The following PCDHGB7 variants were observed in gnomAD, a reference collection of about 807,000 sequenced individuals.
The protein encoded by PCDHGB7 is protocadherin gamma-B7.
A neutral mutation model predicts 61.4 loss-of-function variants in PCDHGB7; 37 were observed. That is an observed-to-expected ratio of 0.60 (90% confidence interval 0.46 to 0.79). The LOEUF (loss-of-function observed/expected upper bound fraction) is 0.79, where lower values mean the gene tolerates loss of function less well. PCDHGB7 is among the 30% of genes least tolerant of loss of function. The probability of loss-of-function intolerance (pLI) is 0.00; values close to 1 mark genes in which losing one functional copy is unlikely to be tolerated. For missense variants in PCDHGB7, 1,166 were observed against 1,202.5 expected, an observed-to-expected ratio of 0.97 and a Z score of 0.45; for synonymous variants, 464 against 503.5, an observed-to-expected ratio of 0.92 and a Z score of 1.05.
chr5:141,489,425 G>A lies in PCDHGB7; in HGVS notation c.2416-5382G>A, dbSNP rs779739693. 18 of 1,614,000 alleles carry A rather than the reference G, an allele frequency of 1.1e-5. No homozygotes were observed. Among genetic ancestry groups the A allele is most frequent in the South Asian group, 5.5e-5 (5 of 91,074 alleles). The stretch of plus-strand genomic sequence containing the variant: ...TTAAAGATGACAGATCTGTTGAGCC[G>A]GCGGCTGCAATTGGGCTCTGAGGAG... On this transcript the variant is annotated intron_variant, in intron 1 of 3. Transcript: ENST00000398594. This position sits in a 1 kb window ranked among gnomAD's most constrained non-coding sequence, Gnocchi z 4.5.
Position 141,431,826 on chromosome 5 carries a change from TTCCCGAAAACTC to T in PCDHGB7, c.2415+11557_2415+11568del, listed in dbSNP as rs755346532. ...GTCCTCACCTCTCTCGCCAGCTCGGTTCCCGAAAACTCTCCCAGAGGGACATTAATTGCCCTT... is the reference window on the plus strand; with the variant it reads ...GTCCTCACCTCTCTCGCCAGCTCGGTTCCCAGAGGGACATTAATTGCCCTT... On this transcript the variant is annotated intron_variant, in intron 1 of 3. Transcript: ENST00000398594. The surrounding 1 kb of genome is among the most constrained non-coding windows in gnomAD (Gnocchi z 4.8). The T allele has an allele frequency of 4.3e-6, 7 of 1,614,102 alleles. No individual in the cohort carries two copies. Among genetic ancestry groups the T allele is most frequent in the Admixed American group, 1.7e-5 (1 of 60,006 alleles).
Position 141,483,648 on chromosome 5 carries a change from T to TTGTG in PCDHGB7, c.2416-11141_2416-11138dup, listed in dbSNP as rs111458813. ...GGAGAAGGTATAGAGGGGTGTGTGTTTGTGTGTGTGTGTGTGTGTGTAAAA... is the reference window on the plus strand; with the variant it reads ...GGAGAAGGTATAGAGGGGTGTGTGTTTGTGTGTGTGTGTGTGTGTGTGTGTAAAA... On this transcript the variant is annotated intron_variant, in intron 1 of 3. Coordinates refer to ENST00000398594, the MANE Select transcript of PCDHGB7 (RefSeq NM_018927.4). Among the ~76,000 whole-genome samples, 501 of 149,686 alleles carry TTGTG rather than the reference T, an allele frequency of 3.3e-3. 2 individuals are homozygous for TTGTG. Among genetic ancestry groups the TTGTG allele is most frequent in the African/African-American group, 7.3e-3 (297 of 40,842 alleles).
intron 1 of PCDHGB7, among the ~76,000 whole-genome samples, chr5:141,465,104 T>A (rs1044128193): frequency 1.3e-5 from 2 of 151,862 alleles, no homozygotes; most frequent in East Asian, 3.9e-4. Context: ...GTTTTTTTTT[T>A]AAGTGTTTTA....
At chr5:141,435,430 T>C (rs576681937) in intron 1 of PCDHGB7, among the ~76,000 whole-genome samples, 115 of 152,334 alleles carry the variant, frequency 7.5e-4, no homozygotes, top group African/African-American at 2.6e-3. Flanking sequence ...ACTTCTGTTA[T>C]GCATTTCATT....
intron 1 of PCDHGB7, chr5:141,423,809 GT>G (rs1484832928): frequency 7.9e-7 from 1 of 1,259,912 alleles, no homozygotes; most frequent in African/African-American, 1.6e-5. Context: ...ATACATGTGA[GT>G]TTTACTTTGC....
At position 141,476,090 on chromosome 5, in the gene PCDHGB7, C is replaced by T; in HGVS notation, c.2416-18717C>T. On this transcript the variant is annotated intron_variant, in intron 1 of 3. Coordinates refer to ENST00000398594, the MANE Select transcript of PCDHGB7 (RefSeq NM_018927.4). The surrounding 1 kb of genome is among the most constrained non-coding windows in gnomAD (Gnocchi z 7.6). ...GAAATCTCAGGGACGATCTGGACCC[C>T]GCTGAGAGGAACTGCTTTTGAGTGA... 3 of 1,562,222 alleles carry T rather than the reference C, an allele frequency of 1.9e-6. No individual in the cohort carries two copies. Among genetic ancestry groups the T allele is most frequent in the African/African-American group, 1.4e-5 (1 of 73,764 alleles).
At chr5:141,442,837 A>G (rs2098346617) in intron 1 of PCDHGB7, among the ~76,000 whole-genome samples, 1 of 152,202 alleles carries the variant, frequency 6.6e-6, no homozygotes, top group Admixed American at 6.5e-5. Flanking sequence ...GGGAGGGACA[A>G]ATCTTGGCCA....
At position 141,493,906 on chromosome 5, in the gene PCDHGB7, G is replaced by A. The variant is rs2099750764; in HGVS notation, c.2416-901G>A. ...CTCTAGGAGTGCTCCATGAGAGTGT[G>A]TGATGGGATAACACACCCCCTGGAA... is the stretch of plus-strand genomic sequence containing the variant. On this transcript the variant is annotated intron_variant, in intron 1 of 3. Transcript: ENST00000398594. The surrounding 1 kb of genome is among the most constrained non-coding windows in gnomAD (Gnocchi z 4.3). Among the ~76,000 whole-genome samples the A allele has an allele frequency of 6.6e-6, 1 of 152,200 alleles. No individual in the cohort carries two copies. Among genetic ancestry groups the A allele is most frequent in the Non-Finnish European group, 1.5e-5 (1 of 68,032 alleles).
chr5:141,458,413 G>T lies in PCDHGB7; in HGVS notation c.2416-36394G>T, dbSNP rs138479316. On this transcript the variant is annotated intron_variant, in intron 1 of 3. Coordinates refer to ENST00000398594, the MANE Select transcript of PCDHGB7 (RefSeq NM_018927.4). ...TCCCCCTTGCAGAGACGGAGCGGGG[G>T]TTCCAAAGCTGAAAGAGGAGGTCCC... Among the ~76,000 whole-genome samples the T allele has an allele frequency of 9.0e-4, 137 of 152,196 alleles. 5 individuals carry two copies. The East Asian group carries it at 0.026, about 28-fold the overall frequency.
Position 141,489,172 on chromosome 5 carries a change from T to G in PCDHGB7, c.2416-5635T>G. 1 of 1,199,026 alleles carries G rather than the reference T, an allele frequency of 8.3e-7. No individual in the cohort carries two copies. Among genetic ancestry groups the G allele is most frequent in the East Asian group, 2.4e-5 (1 of 42,106 alleles). The allele number at this position is 1,199,026 out of a possible 1,614,324, so 74.3% of individuals were successfully genotyped here. ...ACATAAGAGACTTCAGCTGCTGCATTCCAAGCCCTGGGTCTACCTTGGAGA... is the reference window on the plus strand; with the variant it reads ...ACATAAGAGACTTCAGCTGCTGCATGCCAAGCCCTGGGTCTACCTTGGAGA... On this transcript the variant is annotated intron_variant, in intron 1 of 3. Coordinates refer to ENST00000398594, the MANE Select transcript of PCDHGB7 (RefSeq NM_018927.4). This position sits in a 1 kb window ranked among gnomAD's most constrained non-coding sequence, Gnocchi z 4.5.
intron 2 of PCDHGB7, among the ~76,000 whole-genome samples, chr5:141,497,661 T>A (rs1485909952): frequency 3.3e-5 from 5 of 151,062 alleles, no homozygotes; most frequent in African/African-American, 4.9e-5. Context: ...TGCCTCAGCC[T>A]CCCGAGTAGC....
At chr5:141,421,044 C>T (rs556562994) in intron 1 of PCDHGB7, 3 of 548,494 alleles carry the variant, frequency 5.5e-6, no homozygotes, top group African/African-American at 1.9e-5. Context: ...CTCCCTCCCC[C>T]GCCTCTACCA....
intron 1 of PCDHGB7, chr5:141,422,195 A>G: frequency 6.4e-7 from 1 of 1,562,278 alleles, no homozygotes; most frequent in African/African-American, 1.4e-5. Flanking sequence ...ATTCAAGGCC[A>G]AGATGGTGGA....
chr5:141,433,001 G>A (rs1361701281), intron 1 of PCDHGB7: 39 of 1,614,156 alleles, frequency 2.4e-5, no homozygotes, highest in Non-Finnish European at 3.1e-5. Context: ...CGGGGTGCAG[G>A]CTTTCCTGCA....
intron 1 of PCDHGB7, among the ~76,000 whole-genome samples, chr5:141,446,777 CT>C (rs1480571336): frequency 6.6e-6 from 1 of 152,072 alleles, no homozygotes; most frequent in South Asian, 2.1e-4. Context: ...GGTTACCATT[CT>C]TTTACTCTGA....
chr5:141,478,017 T>C lies in PCDHGB7; in HGVS notation c.2416-16790T>C, dbSNP rs776415195. ...GGTCAAATCAGTACTGCCCGTCCAG[T>C]CCAAGACACAGATTCACCCAGGCAG... On this transcript the variant is annotated intron_variant, in intron 1 of 3. Transcript: ENST00000398594. 15 of 1,613,910 alleles carry C rather than the reference T, an allele frequency of 9.3e-6. No homozygotes were observed. In the African/African-American group the frequency reaches 1.9e-4, roughly 20 times the overall value.
At chr5:141,433,320 T>A in intron 1 of PCDHGB7, 1 of 792,046 alleles carries the variant, frequency 1.3e-6, no homozygotes, top group Non-Finnish European at 2.0e-6. Flanking sequence ...TTGCCTCCGG[T>A]GTAACAGGGA....
In PCDHGB7 at chr5:141,511,405, T is replaced by C. The variant is rs1274658643; in HGVS notation, c.*232T>C. The C allele has an allele frequency of 2.2e-5, 21 of 944,066 alleles. No homozygotes were observed. In the East Asian group the frequency reaches 5.8e-4, roughly 26 times the overall value. 58.5% of individuals were successfully genotyped at this position (944,066 alleles called of 1,614,324 possible). On this transcript the variant is annotated 3_prime_UTR_variant, in exon 4 of 4. Transcript: ENST00000398594. ...CGCTGGGAACCCCCATCCAATCAACTGCTGTACCCATGGGGGTAGTGGGGT... is the reference window on the plus strand; with the variant it reads ...CGCTGGGAACCCCCATCCAATCAACCGCTGTACCCATGGGGGTAGTGGGGT...
intron 1 of PCDHGB7, among the ~76,000 whole-genome samples, chr5:141,456,707 G>A (rs1198079338): frequency 6.6e-6 from 1 of 152,208 alleles, no homozygotes; most frequent in African/African-American, 2.4e-5. Context: ...GCTCGCGCCT[G>A]TAATCCCAGC....
Sources: gnomAD v4.1 joint callset for allele counts (sites outside exome capture counted in the v4.1 genomes callset) on GRCh38, gnomAD v4.1.1 for gene constraint, Gnocchi (gnomAD v3.1) non-coding constraint, MANE v1.5 for transcripts, NCBI Gene and HGNC (gene_info 2026-07-23, HGNC 2026-07-21) for gene names.